The following HS3ST4 variants were observed in gnomAD, a reference collection of about 807,000 sequenced individuals.
HS3ST4 encodes the protein heparan sulfate glucosamine 3-O-sulfotransferase 4.
HS3ST4 carries 17 observed loss-of-function variants against 29.2 expected under a neutral mutation model. The ratio of observed to expected loss-of-function variants is 0.58; its 90% CI spans 0.40 to 0.87. HS3ST4 has a LOEUF of 0.87. Ranked by LOEUF, HS3ST4 falls within the 40% of genes least tolerant of loss-of-function variation. The pLI, the probability that HS3ST4 is intolerant of heterozygous loss-of-function variation, is 0.00. For missense variants in HS3ST4, 627 were observed against 634.5 expected (o/e 0.99, Z 0.13); for synonymous variants, 314 against 285.7 (o/e 1.10, Z -1.00).
intron 1 of HS3ST4, among the ~76,000 whole-genome samples, chr16:25,777,412 AGTGTGTGT>A (rs56191219): frequency 0.017 from 2,460 of 147,970 alleles, 62 homozygotes; most frequent in African/African-American, 0.056. Context: ...AGCACACCAA[AGTGTGTGT>A]GTGTGTGTGT....
intron 1 of HS3ST4, among the ~76,000 whole-genome samples, chr16:25,909,978 C>T (rs1968219439): frequency 6.6e-6 from 1 of 152,160 alleles, no homozygotes; most frequent in Non-Finnish European, 1.5e-5. Flanking sequence ...TGATCCTCCC[C>T]ACTTGGCCTC....
Position 25,828,242 on chromosome 16 carries a change from C to CTTTTTCTTTCTTTCTTTCTTTCTT in HS3ST4, c.734+135092_734+135093insTTTTCTTTCTTTCTTTCTTTCTTT, listed in dbSNP as rs1371928058. Among the ~76,000 whole-genome samples, 6 of 75,032 alleles carry CTTTTTCTTTCTTTCTTTCTTTCTT rather than the reference C, an allele frequency of 8.0e-5. No individual in the cohort carries two copies. In the East Asian group the frequency reaches 1.5e-3, roughly 19 times the overall value. 49.2% of individuals were successfully genotyped at this position (75,032 alleles called of 152,430 possible). A position where few individuals can be genotyped will look rare whatever the true frequency, so the allele number is the denominator to read the frequency against. On this transcript the variant is annotated intron_variant, in intron 1 of 1. Transcript: ENST00000331351. ...CTTTCCTTTCTTTCTTTCTTTCTTT[C>CTTTTTCTTTCTTTCTTTCTTTCTT]TCTTTCTTTCTTTCTTTCTTTCTTT...
At chr16:25,696,525 G>C (rs1239514589) in intron 1 of HS3ST4, among the ~76,000 whole-genome samples, 1 of 151,224 alleles carries the variant, frequency 6.6e-6, no homozygotes, top group African/African-American at 2.4e-5. Flanking sequence ...TTGAGATGAA[G>C]TCTTGCTCTG....
chr16:25,729,919 G>A (rs1482014206), intron 1 of HS3ST4, among the ~76,000 whole-genome samples: 1 of 152,124 alleles, frequency 6.6e-6, no homozygotes, highest in African/African-American at 2.4e-5. Flanking sequence ...CAATTGCTCT[G>A]GTGGCTCATA....
In HS3ST4 at chr16:25,923,275, A is replaced by G. The variant is rs550348130; in HGVS notation, c.735-212337A>G. Among the ~76,000 whole-genome samples, 26 of 152,300 alleles carry G rather than the reference A, an allele frequency of 1.7e-4. No individual in the cohort carries two copies. The South Asian group carries it at 5.2e-3, about 30-fold the overall frequency. On this transcript the variant is annotated intron_variant, in intron 1 of 1. Transcript: ENST00000331351. The stretch of plus-strand genomic sequence containing the variant: ...TGAACTGGGAGGAAAAGCTGATGCT[A>G]ATTGGAAGATACCCAAGGCTATACT...
chr16:26,079,008 T>C (rs951138428), intron 1 of HS3ST4, among the ~76,000 whole-genome samples: 10 of 152,186 alleles, frequency 6.6e-5, no homozygotes, highest in African/African-American at 2.4e-4. Flanking sequence ...TAGGCTCTCA[T>C]TGTTTGTGGT....
intron 1 of HS3ST4, among the ~76,000 whole-genome samples, chr16:25,876,401 G>T (rs1464824254): frequency 2.0e-5 from 3 of 152,128 alleles, no homozygotes; most frequent in African/African-American, 7.2e-5. Context: ...CCTTTGGCAT[G>T]CTTCTTATGA....
rs1049889471 is a variant in HS3ST4, at chr16:25,786,099, C to T, written c.734+92948C>T. Among the ~76,000 whole-genome samples, 15 of 152,022 alleles carry T rather than the reference C, an allele frequency of 9.9e-5. 1 individual carries two copies. In the Middle Eastern group the frequency reaches 0.01, roughly 103 times the overall value. ...GTTTCCTGAATTCCGGGCTGAGCAG[C>T]GCAATGGAAAATTGGTGACATTGTG... On this transcript the variant is annotated intron_variant, in intron 1 of 1. Transcript: ENST00000331351.
At chr16:26,006,678 C>T (rs1441862773) in intron 1 of HS3ST4, among the ~76,000 whole-genome samples, 2 of 152,116 alleles carry the variant, frequency 1.3e-5, no homozygotes, top group African/African-American at 4.8e-5. Context: ...AGTGCAAAAA[C>T]CTGAAAAGAC....
chr16:25,836,448 A>G (rs1205543076), intron 1 of HS3ST4, among the ~76,000 whole-genome samples: 1 of 152,238 alleles, frequency 6.6e-6, no homozygotes, highest in Non-Finnish European at 1.5e-5. Flanking sequence ...ATTTTACTAC[A>G]TTCAAAAGTG....
At chr16:25,900,710 C>T (rs1417955048) in intron 1 of HS3ST4, among the ~76,000 whole-genome samples, 2 of 152,118 alleles carry the variant, frequency 1.3e-5, no homozygotes, top group African/African-American at 4.8e-5. Context: ...AATGGTAAAA[C>T]ATACACACTG....
At chr16:25,712,246 G>T (rs1417949158) in intron 1 of HS3ST4, among the ~76,000 whole-genome samples, 2 of 152,156 alleles carry the variant, frequency 1.3e-5, no homozygotes, top group East Asian at 3.9e-4. Context: ...AAAAGGCCAG[G>T]CGCGGTGGCT....
At chr16:25,727,669 C>A (rs796975319) in intron 1 of HS3ST4, among the ~76,000 whole-genome samples, 2 of 152,230 alleles carry the variant, frequency 1.3e-5, no homozygotes, top group African/African-American at 4.8e-5. Context: ...TGGCTTCCAC[C>A]CCATTCACAC....
intron 1 of HS3ST4, among the ~76,000 whole-genome samples, chr16:25,766,106 C>T (rs1282965335): frequency 3.9e-5 from 6 of 151,912 alleles, no homozygotes; most frequent in African/African-American, 7.3e-5. Flanking sequence ...TCAAAGAGCA[C>T]GGCTCAGAAA....
intron 1 of HS3ST4, among the ~76,000 whole-genome samples, chr16:25,733,128 A>G (rs1443308873): frequency 6.6e-6 from 1 of 152,232 alleles, no homozygotes; most frequent in African/African-American, 2.4e-5. Context: ...ATGCAGAGAA[A>G]TGCAGACATG....
chr16:26,067,664 T>A (rs553198069), intron 1 of HS3ST4, among the ~76,000 whole-genome samples: 3 of 152,272 alleles, frequency 2.0e-5, no homozygotes, highest in African/African-American at 7.2e-5. Context: ...TCTTTACATC[T>A]CCAGAAAAGA....
chr16:26,133,964 T>A (rs1316242428), intron 1 of HS3ST4, among the ~76,000 whole-genome samples: 2 of 152,234 alleles, frequency 1.3e-5, no homozygotes, highest in African/African-American at 2.4e-5. Flanking sequence ...AACAGGTTTA[T>A]CTTCAATTAA....
At chr16:26,030,030 T>C (rs547849492) in intron 1 of HS3ST4, among the ~76,000 whole-genome samples, 3 of 152,322 alleles carry the variant, frequency 2.0e-5, no homozygotes, top group South Asian at 2.1e-4. Flanking sequence ...CCTGTCCAAC[T>C]TGTGAGTGCA....
At chr16:26,028,295 A>AG (rs1969497670) in intron 1 of HS3ST4, among the ~76,000 whole-genome samples, 1 of 150,948 alleles carries the variant, frequency 6.6e-6, no homozygotes, top group South Asian at 2.1e-4. Flanking sequence ...AAAAAAAAAA[A>AG]GAATAAGAAA....
Sources: allele counts gnomAD v4.1 joint callset (sites outside exome capture counted in the v4.1 genomes callset), GRCh38; gene constraint gnomAD v4.1.1; transcripts MANE v1.5; gene names NCBI Gene and HGNC (gene_info 2026-07-23, HGNC 2026-07-21).